The following PPARGC1A variants were observed in gnomAD, a reference collection of about 807,000 sequenced individuals.
PPARGC1A encodes peroxisome proliferator-activated receptor gamma coactivator 1-alpha.
PPARGC1A carries 25 observed loss-of-function variants against 88.7 expected under a neutral mutation model. The observed-to-expected ratio is 0.28, with a 90% CI of 0.21 to 0.39. PPARGC1A has a LOEUF of 0.39. Ranked by LOEUF, PPARGC1A falls within the 10% of genes least tolerant of loss-of-function variation. The pLI is 1.00. For synonymous variants in PPARGC1A, 363 were observed against 355.6 expected (o/e 1.02, Z -0.24); for missense variants, 880 against 968.7 (o/e 0.91, Z 1.22).
chr4:24,376,386 G>C, the PPARGC1A span, among the ~76,000 whole-genome samples: 1 of 152,186 alleles, frequency 6.6e-6, no homozygotes, highest in Admixed American at 6.5e-5. Flanking sequence ...AGCCTGTCAC[G>C]TCAAGGACAA....
chr4:24,241,878 T>C, the PPARGC1A span, among the ~76,000 whole-genome samples: 4 of 152,212 alleles, frequency 2.6e-5, no homozygotes, highest in Non-Finnish European at 4.4e-5. Flanking sequence ...TTGTGGCTTC[T>C]GTATGTGGTT....
chr4:23,953,984 A>G, the PPARGC1A span, among the ~76,000 whole-genome samples: 2 of 152,028 alleles, frequency 1.3e-5, no homozygotes, highest in Non-Finnish European at 2.9e-5. Flanking sequence ...CTTTTAAAAT[A>G]AGGCTTCTTC....
the PPARGC1A span, among the ~76,000 whole-genome samples, chr4:24,071,860 G>T: frequency 6.6e-6 from 1 of 152,140 alleles, no homozygotes. Context: ...TGGATCATGA[G>T]AAGTGTTCCC....
At chr4:23,896,423 T>C (rs1718613019) in intron 1 of PPARGC1A, among the ~76,000 whole-genome samples, 1 of 152,098 alleles carries the variant, frequency 6.6e-6, no homozygotes, top group Non-Finnish European at 1.5e-5. Context: ...CAAATATGCA[T>C]CATATATTTA....
At chr4:23,941,536 T>A in the PPARGC1A span, among the ~76,000 whole-genome samples, 12 of 152,348 alleles carry the variant, frequency 7.9e-5, no homozygotes, top group East Asian at 3.9e-4. Flanking sequence ...GGCCCACTTT[T>A]AACCTCATCC....
chr4:24,202,159 T>C, the PPARGC1A span, among the ~76,000 whole-genome samples: 1 of 152,170 alleles, frequency 6.6e-6, no homozygotes, highest in Admixed American at 6.6e-5. Flanking sequence ...ATTGCAGGCA[T>C]GAGCCACCAA....
chr4:24,055,954 A>G, the PPARGC1A span, among the ~76,000 whole-genome samples: 1 of 152,238 alleles, frequency 6.6e-6, no homozygotes, highest in Admixed American at 6.5e-5. Flanking sequence ...GGTGGGACCA[A>G]GCTTGATTCT....
the PPARGC1A span, among the ~76,000 whole-genome samples, chr4:24,123,012 AGTGT>A: frequency 6.6e-6 from 1 of 151,052 alleles, no homozygotes; most frequent in Admixed American, 6.6e-5. Flanking sequence ...AGTTCTGTTG[AGTGT>A]GTGTGTGTGT....
Position 23,795,329 on chromosome 4 carries a change from A to ATATATATATAT in PPARGC1A, c.*492_*493insATATATATATA, listed in dbSNP as rs1335453292. The ATATATATATAT allele has an allele frequency of 9.5e-5, 1 of 10,520 alleles. No homozygotes were observed. Among genetic ancestry groups the ATATATATATAT allele is most frequent in the African/African-American group, 2.0e-4 (1 of 5,074 alleles). The allele number at this position is 10,520 out of a possible 1,614,324, so 0.7% of individuals were successfully genotyped here. A position where few individuals can be genotyped will look rare whatever the true frequency, so the allele number is the denominator to read the frequency against. On this transcript the variant is annotated 3_prime_UTR_variant, in exon 13 of 13. Transcript: ENST00000264867. The stretch of plus-strand genomic sequence containing the variant: ...TATATATATATATATATATATATAT[A>ATATATATATAT]TTTCCTTTTGAATAGAATACGAACA...
intron 2 of PPARGC1A, among the ~76,000 whole-genome samples, chr4:23,850,731 A>C (rs964873527): frequency 1.3e-5 from 2 of 152,182 alleles, no homozygotes; most frequent in Non-Finnish European, 2.9e-5. Context: ...CTTCATAGTG[A>C]TAGTTTGAAA....
At chr4:23,846,661 C>A (rs1728376565) in intron 2 of PPARGC1A, among the ~76,000 whole-genome samples, 1 of 152,046 alleles carries the variant, frequency 6.6e-6, no homozygotes, top group African/African-American at 2.4e-5. Flanking sequence ...ATTTTTTGAG[C>A]ACCTAGCATG....
chr4:24,369,731 C>A, the PPARGC1A span, among the ~76,000 whole-genome samples: 1 of 152,214 alleles, frequency 6.6e-6, no homozygotes, highest in South Asian at 2.1e-4. Flanking sequence ...GGCATATTTG[C>A]TGTTGCATAA....
the PPARGC1A span, among the ~76,000 whole-genome samples, chr4:24,081,706 T>C: frequency 5.3e-5 from 8 of 152,138 alleles, no homozygotes; most frequent in African/African-American, 1.9e-4. Flanking sequence ...AAGGGGACAA[T>C]TGATTCGCAC....
the PPARGC1A span, among the ~76,000 whole-genome samples, chr4:24,146,789 T>C: frequency 6.6e-6 from 1 of 152,214 alleles, no homozygotes; most frequent in Non-Finnish European, 1.5e-5. Context: ...TGTCCTCTCA[T>C]TGGAGAAGTC....
chr4:23,902,560 A>G (rs886703616), upstream of PPARGC1A, among the ~76,000 whole-genome samples: 8 of 152,222 alleles, frequency 5.3e-5, no homozygotes, highest in African/African-American at 1.9e-4. Flanking sequence ...TGCAAAACAT[A>G]TAGAGAGTAA....
the PPARGC1A span, among the ~76,000 whole-genome samples, chr4:24,206,203 A>AC: frequency 2.6e-4 from 39 of 152,230 alleles, no homozygotes; most frequent in African/African-American, 9.4e-4. Flanking sequence ...TGAAGAAGCT[A>AC]CGTTAAGATA....
In PPARGC1A at chr4:23,826,656, A is replaced by G. The variant is rs34820214; in HGVS notation, c.757+1744T>C. Among the ~76,000 whole-genome samples the G allele has an allele frequency of 2.8e-3, 425 of 152,206 alleles. 2 individuals carry two copies. The highest frequency in any genetic ancestry group is 0.014 in the Middle Eastern group (4 of 294). ...TAATCACTGAAGTTGAGCATTTATT[A>G]GTTCTTACTTGTCAGCCATGTTTCA... On this transcript the variant is annotated intron_variant, in intron 5 of 12. Transcript: ENST00000264867.
chr4:23,814,834 C>T (rs1721652121), intron 7 of PPARGC1A, among the ~76,000 whole-genome samples: 1 of 151,996 alleles, frequency 6.6e-6, no homozygotes, highest in African/African-American at 2.4e-5. Context: ...GAGCAGGAGG[C>T]TGTGATCTTT....
intron 2 of PPARGC1A, among the ~76,000 whole-genome samples, chr4:23,875,004 C>G (rs1023145040): frequency 6.6e-6 from 1 of 152,220 alleles, no homozygotes; most frequent in Non-Finnish European, 1.5e-5. Flanking sequence ...CACAGAGGTG[C>G]TATTTGGAAC....
Sources: allele counts gnomAD v4.1 joint callset (sites outside exome capture counted in the v4.1 genomes callset), GRCh38; gene constraint gnomAD v4.1.1; transcripts MANE v1.5; gene names NCBI Gene and HGNC (gene_info 2026-07-23, HGNC 2026-07-21).